Variants in SDK1 observed in about 807,000 individuals in gnomAD.
SDK1 encodes sidekick cell adhesion molecule 1.
In SDK1, 157 loss-of-function variants were observed where a neutral mutation model predicts 245.5. The ratio of observed to expected loss-of-function variants is 0.64; its 90% CI spans 0.56 to 0.73. The LOEUF is 0.73. SDK1 is among the 30% of genes least tolerant of loss of function. The pLI, the probability that SDK1 is intolerant of heterozygous loss-of-function variation, is 0.00. For synonymous variants in SDK1, 1,647 were observed against 1,278.5 expected, an observed-to-expected ratio of 1.29 and a Z score of -6.15; for missense variants, 3,583 against 3,002.3, an observed-to-expected ratio of 1.19 and a Z score of -4.52.
At chr7:3,371,628 A>G (rs1396384492) in intron 1 of SDK1, among the ~76,000 whole-genome samples, 1 of 152,202 alleles carries the variant, frequency 6.6e-6, no homozygotes, top group South Asian at 2.1e-4. Flanking sequence ...AGAAGACTTG[A>G]TCTCCAAAAA....
chr7:4,129,357 TTGGGGTTGGG>T (rs1562852977), intron 26 of SDK1, among the ~76,000 whole-genome samples: 1 of 146,898 alleles, frequency 6.8e-6, no homozygotes, highest in Non-Finnish European at 1.5e-5. Flanking sequence ...GGACAGCAGC[TTGGGGTTGGG>T]TGCCCTGGAA....
chr7:3,728,131 C>T (rs1259531564), intron 4 of SDK1, among the ~76,000 whole-genome samples: 1 of 152,226 alleles, frequency 6.6e-6, no homozygotes, highest in East Asian at 1.9e-4. Context: ...CACTCTCATA[C>T]CATGTGAAGG....
At chr7:3,532,060 A>G (rs1441439516) in intron 1 of SDK1, among the ~76,000 whole-genome samples, 2 of 152,122 alleles carry the variant, frequency 1.3e-5, no homozygotes, top group East Asian at 1.9e-4. Flanking sequence ...AAATTTAACT[A>G]TTGTTGATGG....
chr7:3,987,432 G>T, intron 14 of SDK1, 110 bp downstream of exon 14: 1 of 1,129,586 alleles, frequency 8.9e-7, no homozygotes, highest in Non-Finnish European at 1.3e-6. Flanking sequence ...CTACTAAAAT[G>T]CTGTAATGCT....
chr7:4,159,995 A>G (rs1438397101), intron 31 of SDK1, among the ~76,000 whole-genome samples: 3 of 152,184 alleles, frequency 2.0e-5, no homozygotes, highest in Admixed American at 1.3e-4. Context: ...GATTTAAAGT[A>G]TTCAGGAGGA....
At chr7:3,434,811 G>A (rs900867026) in intron 1 of SDK1, among the ~76,000 whole-genome samples, 1 of 152,072 alleles carries the variant, frequency 6.6e-6, no homozygotes, top group South Asian at 2.1e-4. Flanking sequence ...ATCATGGGGG[G>A]GGACAGAGCA....
At chr7:4,079,218 G>C (rs1449337019) in intron 21 of SDK1, among the ~76,000 whole-genome samples, 2 of 152,208 alleles carry the variant, frequency 1.3e-5, no homozygotes, top group Non-Finnish European at 2.9e-5. Context: ...TTTCTCATCA[G>C]GGAGGCCATG....
intron 2 of SDK1, among the ~76,000 whole-genome samples, chr7:3,624,643 C>T: frequency 6.6e-6 from 1 of 151,850 alleles, no homozygotes; most frequent in East Asian, 1.9e-4. Flanking sequence ...ACTTTTTTTT[C>T]TAAAACCCAA....
At chr7:3,641,776 C>G (rs528841152) in intron 3 of SDK1, among the ~76,000 whole-genome samples, 182 bp from the exon 4 acceptor site, 1 of 152,178 alleles carries the variant, frequency 6.6e-6, no homozygotes, top group African/African-American at 2.4e-5. Flanking sequence ...CGTGGCTTGC[C>G]CGGTGCTTCA....
intron 4 of SDK1, among the ~76,000 whole-genome samples, chr7:3,784,351 C>A (rs990016442): frequency 6.6e-6 from 1 of 151,898 alleles, no homozygotes; most frequent in Non-Finnish European, 1.5e-5. Flanking sequence ...TACTTCACAC[C>A]ATATATTAAT....
chr7:3,579,006 G>A (rs1780397394), intron 1 of SDK1, among the ~76,000 whole-genome samples: 1 of 151,960 alleles, frequency 6.6e-6, no homozygotes, highest in African/African-American at 2.4e-5. Flanking sequence ...AGTGATAAAT[G>A]TCCTTGAAAT....
chr7:3,657,719 G>C (rs546602746), intron 4 of SDK1, among the ~76,000 whole-genome samples: 1 of 152,320 alleles, frequency 6.6e-6, no homozygotes, highest in Admixed American at 6.5e-5. Context: ...GCAGCGTGCA[G>C]CCTATGCAGA....
chr7:3,877,156 AAAC>A (rs1301323643), intron 5 of SDK1, among the ~76,000 whole-genome samples: 1 of 152,196 alleles, frequency 6.6e-6, no homozygotes, highest in African/African-American at 2.4e-5. Flanking sequence ...TGGAATGAAT[AAAC>A]AACTCATCAG....
At chr7:3,509,804 G>A (rs1389899199) in intron 1 of SDK1, among the ~76,000 whole-genome samples, 1 of 152,186 alleles carries the variant, frequency 6.6e-6, no homozygotes, top group Non-Finnish European at 1.5e-5. Context: ...AGCCCCCCAG[G>A]ACATACAGAA....
At chr7:3,918,657 C>A (rs1042100066) in intron 5 of SDK1, among the ~76,000 whole-genome samples, 2 of 152,164 alleles carry the variant, frequency 1.3e-5, no homozygotes, top group Non-Finnish European at 2.9e-5. Flanking sequence ...AAACCATCCC[C>A]CCGACATTGG....
chr7:3,821,632 C>T lies in SDK1; in HGVS notation c.847+49C>T, dbSNP rs190961883. 7.6e-4 allele frequency: 1,219 copies of T among 1,596,254 alleles called. 6 individuals carry two copies. The Middle Eastern group carries it at 9.5e-3, about 12-fold the overall frequency. Reference sequence around the variant, plus strand: ...TAATTCTGCAAGCAATAAAATCTTGCTTTAATCAGTAACCACTGTCTGACA... The same window carrying T: ...TAATTCTGCAAGCAATAAAATCTTGTTTTAATCAGTAACCACTGTCTGACA... On this transcript the variant is annotated intron_variant, in intron 5 of 44. Coordinates refer to ENST00000404826, the MANE Select transcript of SDK1 (RefSeq NM_152744.4).
chr7:3,609,041 A>C (rs774398842), intron 1 of SDK1, among the ~76,000 whole-genome samples: 2 of 152,198 alleles, frequency 1.3e-5, no homozygotes, highest in African/African-American at 2.4e-5. Flanking sequence ...AAAAGGGTTA[A>C]ACAGTGCCAC....
intron 28 of SDK1, among the ~76,000 whole-genome samples, chr7:4,139,124 C>G (rs957575949): frequency 6.6e-5 from 10 of 152,238 alleles, no homozygotes; most frequent in East Asian, 5.8e-4. Flanking sequence ...CCCAGCCCCA[C>G]GGCCCCTGCC....
At chr7:4,074,479 T>C (rs1435048700) in intron 20 of SDK1, among the ~76,000 whole-genome samples, 2 of 152,088 alleles carry the variant, frequency 1.3e-5, no homozygotes, top group Admixed American at 1.3e-4. Context: ...CAAAGGTGTG[T>C]TGTGAGGGTT....
Sources: allele counts gnomAD v4.1 joint callset (sites outside exome capture counted in the v4.1 genomes callset), GRCh38; gene constraint gnomAD v4.1.1; transcripts MANE v1.5; gene names NCBI Gene and HGNC (gene_info 2026-07-23, HGNC 2026-07-21).